KATNB1: variants seen among roughly 807,000 people sequenced by gnomAD.
KATNB1 encodes the protein katanin regulatory subunit B1, also known as katanin p80 WD40 repeat-containing subunit B1.
KATNB1 carries 38 observed loss-of-function variants against 82.3 expected under a neutral mutation model. The observed-to-expected ratio is 0.46, with a 90% CI of 0.36 to 0.61. The LOEUF (loss-of-function observed/expected upper bound fraction) is 0.61, where lower values mean the gene tolerates loss of function less well. KATNB1 is among the 20% of genes least tolerant of loss of function. The pLI, the probability that KATNB1 is intolerant of heterozygous loss-of-function variation, is 0.00. For synonymous variants in KATNB1, 361 were observed against 368.7 expected (o/e 0.98, Z 0.24); for missense variants, 749 against 915.7 (o/e 0.82, Z 2.35).
chr16:57,742,218 T>C (rs2049149101), intron 3 of KATNB1, among the ~76,000 whole-genome samples: 1 of 152,274 alleles, frequency 6.6e-6, no homozygotes, highest in African/African-American at 2.4e-5. Context: ...TGGGCGTTTA[T>C]TTTAATTCAT....
intron 13 of KATNB1, 98 bp downstream of exon 13, chr16:57,754,093 C>T: frequency 9.6e-7 from 1 of 1,037,780 alleles, no homozygotes; most frequent in Non-Finnish European, 1.5e-6. Flanking sequence ...TTCCCAGGAC[C>T]CTCCCCTCTC....
In KATNB1 at chr16:57,751,382, G is replaced by A; in HGVS notation, c.432+80G>A. Reference sequence around the variant, plus strand: ...GTGTGGTGCCCAGACCCCAGCAGGGGGTGGAGGGGACGGCTGTCCCACATG... The same window carrying A: ...GTGTGGTGCCCAGACCCCAGCAGGGAGTGGAGGGGACGGCTGTCCCACATG... On this transcript the variant is annotated intron_variant, in intron 6 of 19. Coordinates refer to ENST00000379661, the MANE Select transcript of KATNB1 (RefSeq NM_005886.3). The surrounding 1 kb of genome is among the most constrained non-coding windows in gnomAD (Gnocchi z 6.3). The A allele has an allele frequency of 7.2e-7, 1 of 1,391,244 alleles. No individual in the cohort carries two copies. Among genetic ancestry groups the A allele is most frequent in the Non-Finnish European group, 1.0e-6 (1 of 977,638 alleles). The allele number at this position is 1,391,244 out of a possible 1,614,324, so 86.2% of individuals were successfully genotyped here.
chr16:57,749,767 A>G (rs1385797222), intron 4 of KATNB1, among the ~76,000 whole-genome samples: 1 of 152,178 alleles, frequency 6.6e-6, no homozygotes, highest in Non-Finnish European at 1.5e-5. Context: ...CAAAACCTTC[A>G]AGGAAAGGAT....
chr16:57,738,161 A>G (rs1395288285), intron 2 of KATNB1, among the ~76,000 whole-genome samples: 2 of 151,982 alleles, frequency 1.3e-5, no homozygotes, highest in Admixed American at 6.5e-5. Flanking sequence ...TGCCCCACCT[A>G]TTGTAACTGG....
Position 57,741,707 on chromosome 16 carries a change from A to T in KATNB1, c.61A>T (p.Ser21Cys), listed in dbSNP as rs2049143836. 1.2e-6 allele frequency: 2 copies of T among 1,614,060 alleles called. No homozygotes were observed. ...TGTAGAAGAGATCGTCGCGCATGCC[A>T]GCAACGTGTCCTCACTGGTGCTGGG... is the stretch of plus-strand genomic sequence containing the variant. Reference protein sequence around the residue: ...WKLQEIVAHASNVSSLVLGKA... With the variant: ...WKLQEIVAHACNVSSLVLGKA... The change falls in exon 3 of 20, where the codon AGC becomes TGC. Residue 21 changes from serine to cysteine, a missense_variant. Around this residue, in one of 3 missense-constraint regions of KATNB1, gnomAD observed 247 missense variants for 349.4 expected, o/e 0.71. Transcript: ENST00000379661.
intron 17 of KATNB1, 36 bp downstream of exon 17, chr16:57,755,953 A>C: frequency 6.2e-7 from 1 of 1,610,478 alleles, no homozygotes. Flanking sequence ...GCGGAGGGGC[A>C]GGGCTGGGCT....
intron 8 of KATNB1, 164 bp downstream of exon 8, chr16:57,752,219 T>G (rs1164137611): frequency 1.2e-5 from 8 of 657,446 alleles, no homozygotes; most frequent in Non-Finnish European, 2.2e-5. Flanking sequence ...TGGACCCTGG[T>G]CCATCTCCCC....
chr16:57,756,186 C>T (rs2049276014), intron 18 of KATNB1, 120 bp downstream of exon 18: 2 of 1,240,960 alleles, frequency 1.6e-6, no homozygotes, highest in Non-Finnish European at 2.3e-6. Flanking sequence ...GGCTGTGAAG[C>T]ATTGCTGCCC....
In KATNB1 at chr16:57,753,254, A is replaced by C. The variant is rs782224310; in HGVS notation, c.1033A>C (p.Ser345Arg). The change falls in exon 11 of 20, where the codon AGC (serine) becomes CGC (arginine). Residue 345 changes from serine to arginine, a missense_variant. Around this residue, in one of 3 missense-constraint regions of KATNB1, gnomAD observed 407 missense variants for 434.7 expected, o/e 0.94. Transcript: ENST00000379661. ...CTATGAGCGGCCCAGCACAACCTGC[A>C]GCAAGCCTCAGAGGTGAGGGCCTGG... ...RIYERPSTTC[S>R]KPQRVKQNSE... 1.6e-5 allele frequency: 26 copies of C among 1,599,924 alleles called. No individual in the cohort carries two copies. The highest frequency in any genetic ancestry group is 1.7e-4 in the Middle Eastern group (1 of 6,060).
rs781806354 is a variant in KATNB1 at position 57,753,913 on chromosome 16, C to T, written c.1178-32C>T. 1.4e-5 allele frequency: 22 copies of T among 1,611,316 alleles called. No homozygotes were observed. The East Asian group carries it at 3.1e-4, about 23-fold the overall frequency. ...GGGTCCCAGGTGGCCTGGCCAGGAGCGCTCACAGCCAGGGGCCTCTTTCCT... is the reference window on the plus strand; with the variant it reads ...GGGTCCCAGGTGGCCTGGCCAGGAGTGCTCACAGCCAGGGGCCTCTTTCCT... On this transcript the variant is annotated intron_variant, in intron 12 of 19. Coordinates refer to ENST00000379661, the MANE Select transcript of KATNB1 (RefSeq NM_005886.3).
At chr16:57,739,424 C>T (rs558322814) in intron 2 of KATNB1, among the ~76,000 whole-genome samples, 25 of 152,324 alleles carry the variant, frequency 1.6e-4, no homozygotes, top group African/African-American at 4.3e-4. Flanking sequence ...CTGGCCACGC[C>T]GCACCATGTT....
intron 2 of KATNB1, among the ~76,000 whole-genome samples, chr16:57,739,038 T>G (rs1371829201): frequency 3.3e-5 from 5 of 151,844 alleles, no homozygotes; most frequent in African/African-American, 1.2e-4. Flanking sequence ...GGAGGCTCAG[T>G]GTATTGGAAG....
intron 4 of KATNB1, among the ~76,000 whole-genome samples, chr16:57,745,563 C>CAAAA (rs11449099): frequency 5.2e-5 from 7 of 135,304 alleles, no homozygotes; most frequent in African/African-American, 2.0e-4. Flanking sequence ...AACTCCATCT[C>CAAAA]AAAAAAAAAA....
At chr16:57,755,769 C>A in intron 16 of KATNB1, 72 bp from the exon 17 acceptor site, 1 of 1,421,240 alleles carries the variant, frequency 7.0e-7, no homozygotes, top group Non-Finnish European at 9.6e-7. Context: ...CACGTTCGTA[C>A]CCCCACCCTC....
chr16:57,754,080 CCCTT>C (rs1405020529), intron 13 of KATNB1, 85 bp downstream of exon 13: 5 of 1,188,288 alleles, frequency 4.2e-6, no homozygotes, highest in Non-Finnish European at 4.9e-6. Flanking sequence ...CCCAACAAGC[CCCTT>C]CCCAGGACCC....
intron 8 of KATNB1, 95 bp from the exon 9 acceptor site, chr16:57,752,435 G>T: frequency 8.7e-7 from 1 of 1,156,026 alleles, no homozygotes; most frequent in Admixed American, 2.0e-5. Flanking sequence ...CCCTGCCCTG[G>T]GGGAGAGGTT....
chr16:57,755,899 A>G lies in KATNB1; in HGVS notation c.1625A>G (p.Asn542Ser). 6.3e-7 allele frequency: 1 copy of G among 1,598,576 alleles called. No homozygotes were observed. Among genetic ancestry groups the G allele is most frequent in the Non-Finnish European group, 8.6e-7 (1 of 1,168,026 alleles). ...NDLSVVVDLLNIVNQKASLWK... is the reference protein window; with the variant it reads ...NDLSVVVDLLSIVNQKASLWK... ...CTGTCGGTGGTGGTGGACCTCCTGA[A>G]CATCGTCAACCAGAAAGCGTAAGTG... Residue 542 changes from asparagine to serine, a missense_variant, in exon 17 of 20, where the codon AAC (asparagine) becomes AGC (serine). Asn to Ser is a conservative substitution (Grantham distance 46, BLOSUM62 1). Transcript: ENST00000379661.
intron 4 of KATNB1, among the ~76,000 whole-genome samples, chr16:57,749,253 T>G (rs1802898813): frequency 6.6e-6 from 1 of 152,226 alleles, no homozygotes; most frequent in South Asian, 2.1e-4. Flanking sequence ...ACTTACCATG[T>G]GCAGAGCCCG....
intron 2 of KATNB1, among the ~76,000 whole-genome samples, chr16:57,740,831 C>G (rs1469076448): frequency 3.3e-5 from 5 of 152,180 alleles, no homozygotes; most frequent in African/African-American, 1.2e-4. Flanking sequence ...CCTGCCCCCT[C>G]CTCATGAAGC....
Sources: gnomAD v4.1 joint callset for allele counts (sites outside exome capture counted in the v4.1 genomes callset) on GRCh38, gnomAD v4.1.1 for gene constraint, gnomAD v4.1.1 regional missense constraint, Gnocchi (gnomAD v3.1) non-coding constraint, MANE v1.5 for transcripts, NCBI Gene and HGNC (gene_info 2026-07-23, HGNC 2026-07-21) for gene names.